Variants in MAPT observed in about 807,000 individuals in gnomAD.
MAPT encodes the protein microtubule associated protein tau, also known as microtubule-associated protein tau.
Under a neutral mutation model 67.9 loss-of-function variants are expected in MAPT, and 34 were observed. That is an observed-to-expected ratio of 0.50 (90% confidence interval 0.38 to 0.67). MAPT has a LOEUF of 0.67. Ranked by LOEUF, MAPT falls within the 30% of genes least tolerant of loss-of-function variation. The pLI is 0.00. For missense variants in MAPT, 881 were observed against 1,115.2 expected (o/e 0.79, Z 2.99); for synonymous variants, 456 against 464.5 (o/e 0.98, Z 0.23).
chr17:45,982,837 C>G, intron 4 of MAPT, 29 bp from the exon 5 acceptor site: 2 of 1,228,234 alleles, frequency 1.6e-6, no homozygotes, highest in South Asian at 5.5e-5. Context: ...CCTTGCTAAC[C>G]TTTTGCTATC....
intron 1 of MAPT, among the ~76,000 whole-genome samples, chr17:45,931,304 GTAA>G (rs1242652333): frequency 1.3e-5 from 2 of 152,132 alleles, no homozygotes; most frequent in Admixed American, 6.5e-5. Flanking sequence ...TGAAATGACT[GTAA>G]TAATGGCCAG....
chr17:45,918,925 G>A (rs2065433866), intron 1 of MAPT, among the ~76,000 whole-genome samples: 1 of 152,028 alleles, frequency 6.6e-6, no homozygotes, highest in African/African-American at 2.4e-5. Context: ...AGCTGGCCAT[G>A]GTGGTGTGCG....
At chr17:45,993,905 G>A (rs574105727) in intron 8 of MAPT, 19 of 1,559,842 alleles carry the variant, frequency 1.2e-5, no homozygotes, top group East Asian at 9.6e-5. Context: ...TAAGGCTTTC[G>A]TGGATTTTTC....
At chr17:45,982,351 G>A (rs1460805540) in intron 4 of MAPT, among the ~76,000 whole-genome samples, 3 of 124,268 alleles carry the variant, frequency 2.4e-5, no homozygotes, top group Non-Finnish European at 5.1e-5. Context: ...GGGGGCGGGG[G>A]CAGGAGAACA....
At chr17:45,977,462 A>G (rs1437629861) in intron 3 of MAPT, 1 of 152,256 alleles carries the variant, frequency 6.6e-6, no homozygotes, top group African/African-American at 2.4e-5. Flanking sequence ...CCTGAGGTCA[A>G]TGCATGTCAA....
intron 12 of MAPT, among the ~76,000 whole-genome samples, chr17:46,019,817 G>A (rs1398614021): frequency 6.6e-6 from 1 of 151,526 alleles, no homozygotes; most frequent in African/African-American, 2.4e-5. Context: ...TTCAAGACCA[G>A]CCTGGCCAAC....
intron 1 of MAPT, among the ~76,000 whole-genome samples, chr17:45,934,168 G>A (rs919867898): frequency 4.6e-5 from 7 of 152,052 alleles, no homozygotes; most frequent in African/African-American, 1.2e-4. Context: ...TCAAGACCTC[G>A]TCTGTACAGT....
intron 1 of MAPT, among the ~76,000 whole-genome samples, chr17:45,928,814 G>A (rs2066593642): frequency 6.6e-6 from 1 of 152,162 alleles, no homozygotes; most frequent in South Asian, 2.1e-4. Flanking sequence ...TCCTGCCTCA[G>A]CCTCCTGAGT....
intron 1 of MAPT, among the ~76,000 whole-genome samples, chr17:45,950,988 T>G (rs1172443410): frequency 1.3e-5 from 2 of 152,312 alleles, no homozygotes; most frequent in African/African-American, 4.8e-5. Flanking sequence ...ATTAAAAGAC[T>G]GTGGTGTCCA....
intron 1 of MAPT, among the ~76,000 whole-genome samples, chr17:45,946,139 A>T (rs970715302): frequency 2.0e-4 from 31 of 152,128 alleles, no homozygotes; most frequent in Admixed American, 1.9e-3. Context: ...TGATTCTGAC[A>T]TCAGAGGAAA....
rs3744460 is a variant in MAPT, at chr17:46,010,263, C to A, written c.1999-47C>A. ...GGAGGCGTCCTTGCGAGCAAGCAGG[C>A]GGGTCCAGGGTGGCGTGTCACTCAT... On this transcript the variant is annotated intron_variant, in intron 9 of 12. Coordinates refer to ENST00000262410, the MANE Select transcript of MAPT (RefSeq NM_001377265.1). This position sits in a 1 kb window ranked among gnomAD's most constrained non-coding sequence, Gnocchi z 4.7. 0.028 allele frequency: 37,127 copies of A among 1,310,446 alleles called. 3,956 individuals carry two copies. The East Asian group carries it at 0.34, about 12-fold the overall frequency. 81.2% of individuals were successfully genotyped at this position (1,310,446 alleles called of 1,614,324 possible).
Position 46,024,426 on chromosome 17 carries a change from C to A in MAPT, c.*255C>A. The stretch of plus-strand genomic sequence containing the variant: ...AATAAAATATTTAAAAAAAAACATT[C>A]AAAAACATGGCCACATCCAACATTT... On this transcript the variant is annotated 3_prime_UTR_variant, in exon 13 of 13. Transcript: ENST00000262410. 3.5e-6 allele frequency: 2 copies of A among 576,006 alleles called. No individual in the cohort carries two copies. Among genetic ancestry groups the A allele is most frequent in the Admixed American group, 3.0e-5 (1 of 33,256 alleles). The allele number at this position is 576,006 out of a possible 1,614,324, so 35.7% of individuals were successfully genotyped here.
intron 2 of MAPT, among the ~76,000 whole-genome samples, chr17:45,965,673 C>G (rs1379352230): frequency 6.6e-6 from 1 of 151,900 alleles, no homozygotes; most frequent in East Asian, 2.0e-4. Context: ...ACCTCAGCCT[C>G]CCAAAGTGCT....
chr17:45,998,570 C>G (rs974200351), intron 9 of MAPT, among the ~76,000 whole-genome samples: 1 of 152,144 alleles, frequency 6.6e-6, no homozygotes, highest in African/African-American at 2.4e-5. Context: ...GCAAACGATC[C>G]GGGTTAAATT....
rs183136435 is a variant in MAPT at position 45,996,912 on chromosome 17, C to T, written c.1998+248C>T. Among the ~76,000 whole-genome samples, 3 of 152,324 alleles carry T rather than the reference C, an allele frequency of 2.0e-5. No individual in the cohort carries two copies. The highest frequency in any genetic ancestry group is 1.9e-4 in the East Asian group (1 of 5,170). On this transcript the variant is annotated intron_variant, in intron 9 of 12. Transcript: ENST00000262410. This position sits in a 1 kb window ranked among gnomAD's most constrained non-coding sequence, Gnocchi z 4.5. ...CTACACTGTGAGTGCCCTCCTCAGG[C>T]GAGAGAACGTTCTGGCTCTTCTCTT... is the stretch of plus-strand genomic sequence containing the variant.
At chr17:45,985,766 C>G (rs1476753247) in intron 5 of MAPT, 1 of 979,722 alleles carries the variant, frequency 1.0e-6, no homozygotes, top group African/African-American at 1.8e-5. Context: ...CCGCCTGGGG[C>G]TCTTACTAAA....
At chr17:45,981,795 G>T (rs1168204988) in intron 4 of MAPT, among the ~76,000 whole-genome samples, 1 of 151,976 alleles carries the variant, frequency 6.6e-6, no homozygotes, top group African/African-American at 2.4e-5. Context: ...CAAGAGAATT[G>T]CTTGAGCCCA....
chr17:46,002,175 C>T (rs982525021), intron 9 of MAPT, among the ~76,000 whole-genome samples: 3 of 152,194 alleles, frequency 2.0e-5, no homozygotes, highest in African/African-American at 7.2e-5. Flanking sequence ...CTCTGGACAT[C>T]GCCCGACAGG....
In MAPT at chr17:46,010,477, G is replaced by C. The variant is rs1314208933; in HGVS notation, c.2091+75G>C. 4 of 997,594 alleles carry C rather than the reference G, an allele frequency of 4.0e-6. No homozygotes were observed. The highest frequency in any genetic ancestry group is 6.2e-6 in the Non-Finnish European group (4 of 642,016). 61.8% of individuals were successfully genotyped at this position (997,594 alleles called of 1,614,324 possible). On this transcript the variant is annotated intron_variant, in intron 10 of 12. Transcript: ENST00000262410. The surrounding 1 kb of genome is among the most constrained non-coding windows in gnomAD (Gnocchi z 4.7). ...GGAAGTGGTGTGAGTGCGTACACTTGCGAGACACTGCATAGAATAAATCCT... is the reference window on the plus strand; with the variant it reads ...GGAAGTGGTGTGAGTGCGTACACTTCCGAGACACTGCATAGAATAAATCCT...
Sources: gnomAD v4.1 joint callset for allele counts (sites outside exome capture counted in the v4.1 genomes callset) on GRCh38, gnomAD v4.1.1 for gene constraint, Gnocchi (gnomAD v3.1) non-coding constraint, MANE v1.5 for transcripts, NCBI Gene and HGNC (gene_info 2026-07-23, HGNC 2026-07-21) for gene names.